The following CNTFR variants were observed in gnomAD, a reference collection of about 807,000 sequenced individuals.
CNTFR encodes ciliary neurotrophic factor receptor, also known as ciliary neurotrophic factor receptor subunit alpha.
CNTFR carries 12 observed loss-of-function variants against 40.4 expected under a neutral mutation model. That is an observed-to-expected ratio of 0.30 (90% confidence interval 0.19 to 0.48). The LOEUF (loss-of-function observed/expected upper bound fraction) is 0.48. Among genes scored for constraint, CNTFR ranks in the 20% least tolerant of loss-of-function variants. CNTFR has a pLI of 0.99. For missense variants in CNTFR, 414 were observed against 506.8 expected (o/e 0.82, Z 1.76); for synonymous variants, 202 against 209.6 (o/e 0.96, Z 0.31).
chr9:34,588,721 A>C (rs1209815795), intron 1 of CNTFR, among the ~76,000 whole-genome samples: 2 of 152,174 alleles, frequency 1.3e-5, no homozygotes, highest in Non-Finnish European at 2.9e-5. Flanking sequence ...GGAGCGAGCA[A>C]GCGAGCGAGC....
rs1386450528 is a variant in CNTFR at position 34,589,464 on chromosome 9, C to G, written c.-112+91G>C. ...GTCCGTGGGCCCACGGGTGTCCCCT[C>G]ACTCTTCCCGCACGCATGAGGGCCG... On this transcript the variant is annotated intron_variant, in intron 1 of 9. Coordinates refer to ENST00000378980, the MANE Select transcript of CNTFR (RefSeq NM_147164.3). The surrounding 1 kb of genome is among the most constrained non-coding windows in gnomAD (Gnocchi z 4.4). The G allele has an allele frequency of 2.0e-5, 3 of 151,894 alleles. No individual in the cohort carries two copies. The highest frequency in any genetic ancestry group is 4.4e-5 in the Non-Finnish European group (3 of 67,926). The allele number at this position is 151,894 out of a possible 1,614,324, so 9.4% of individuals were successfully genotyped here.
chr9:34,589,610 G>A lies in CNTFR; in HGVS notation c.-167C>T, dbSNP rs1340612191. 6.6e-6 allele frequency: 1 copy of A among 151,862 alleles called. No individual in the cohort carries two copies. The highest frequency in any genetic ancestry group is 1.5e-5 in the Non-Finnish European group (1 of 67,790). 9.4% of individuals were successfully genotyped at this position (151,862 alleles called of 1,614,324 possible). A position where few individuals can be genotyped will look rare whatever the true frequency, so the allele number is the denominator to read the frequency against. ...GCGCCTTCCGACCGCCCCCGGCAGC[G>A]AGCGAGGCAGGGAGCGCGGAGCTAG... On this transcript the variant is annotated 5_prime_UTR_variant, in exon 1 of 10. Transcript: ENST00000378980. The surrounding 1 kb of genome is among the most constrained non-coding windows in gnomAD (Gnocchi z 4.4).
In CNTFR at chr9:34,589,022, G is replaced by A. The variant is rs971529199; in HGVS notation, c.-112+533C>T. Among the ~76,000 whole-genome samples, 6 of 152,142 alleles carry A rather than the reference G, an allele frequency of 3.9e-5. No homozygotes were observed. Among genetic ancestry groups the A allele is most frequent in the African/African-American group, 1.4e-4 (6 of 41,406 alleles). On this transcript the variant is annotated intron_variant, in intron 1 of 9. Coordinates refer to ENST00000378980, the MANE Select transcript of CNTFR (RefSeq NM_147164.3). This position sits in a 1 kb window ranked among gnomAD's most constrained non-coding sequence, Gnocchi z 4.4. ...TGGAGATACATCCAGGCGGACTGAA[G>A]AGAAAACCATGGGGACGCCGACCGA...
intron 2 of CNTFR, chr9:34,569,369 A>G: frequency 4.5e-6 from 1 of 221,516 alleles, no homozygotes; most frequent in Non-Finnish European, 8.9e-6. Flanking sequence ...TCAACTGCAA[A>G]TGAGTTACAG....
intron 1 of CNTFR, among the ~76,000 whole-genome samples, chr9:34,581,899 C>G (rs1318627275): frequency 2.6e-5 from 4 of 152,208 alleles, no homozygotes; most frequent in Non-Finnish European, 5.9e-5. Flanking sequence ...ATAATAACAG[C>G]AGGTATCACT....
intron 4 of CNTFR, among the ~76,000 whole-genome samples, chr9:34,561,814 A>G (rs1278789155): frequency 6.6e-6 from 1 of 152,238 alleles, no homozygotes; most frequent in African/African-American, 2.4e-5. Flanking sequence ...CTGAGACGAT[A>G]ATGATTAATA....
At chr9:34,579,359 C>A (rs2132243538) in intron 2 of CNTFR, among the ~76,000 whole-genome samples, 1 of 152,022 alleles carries the variant, frequency 6.6e-6, no homozygotes, top group South Asian at 2.1e-4. Flanking sequence ...TCTGACTTGG[C>A]AGCGTTGGGC....
At chr9:34,566,548 C>G (rs1826303541) in intron 3 of CNTFR, among the ~76,000 whole-genome samples, 1 of 152,202 alleles carries the variant, frequency 6.6e-6, no homozygotes, top group African/African-American at 2.4e-5. Flanking sequence ...GAGCCCCCCT[C>G]CAGCCTCCCT....
chr9:34,589,067 A>ACG lies in CNTFR; in HGVS notation c.-112+486_-112+487dup, dbSNP rs111908218. On this transcript the variant is annotated intron_variant, in intron 1 of 9. Coordinates refer to ENST00000378980, the MANE Select transcript of CNTFR (RefSeq NM_147164.3). The surrounding 1 kb of genome is among the most constrained non-coding windows in gnomAD (Gnocchi z 4.4). Reference sequence around the variant, plus strand: ...GACCGACACACACATGCACACACACACGCGCGCGCGGGCGCGCGGATTCAC... The same window carrying ACG: ...GACCGACACACACATGCACACACACACGCGCGCGCGCGGGCGCGCGGATTCAC... 6.6e-6 allele frequency among the ~76,000 whole-genome samples: 1 copy of ACG among 150,838 alleles called. No individual in the cohort carries two copies. The highest frequency in any genetic ancestry group is 1.5e-5 in the Non-Finnish European group (1 of 67,942).
chr9:34,556,686 C>A (rs542716101), intron 6 of CNTFR, among the ~76,000 whole-genome samples: 32 of 152,276 alleles, frequency 2.1e-4, no homozygotes, highest in African/African-American at 7.7e-4. Context: ...TTCATCTCAT[C>A]ATCCCATCAT....
intron 1 of CNTFR, among the ~76,000 whole-genome samples, chr9:34,583,007 A>G (rs998850426): frequency 2.0e-5 from 3 of 152,218 alleles, no homozygotes; most frequent in Admixed American, 6.5e-5. Flanking sequence ...ATAGCTACGC[A>G]CATTACACCA....
At chr9:34,567,870 T>C (rs1399266073) in intron 3 of CNTFR, 1 of 152,184 alleles carries the variant, frequency 6.6e-6, no homozygotes, top group African/African-American at 2.4e-5. Context: ...TCCAGGACCA[T>C]GGGGACACAA....
rs1825623223 is a variant in CNTFR, at chr9:34,551,567, T to C, written c.*504A>G. The C allele has an allele frequency of 1.3e-5, 3 of 231,274 alleles. No individual in the cohort carries two copies. In the South Asian group the frequency reaches 1.7e-4, roughly 13 times the overall value. 14.3% of individuals were successfully genotyped at this position (231,274 alleles called of 1,614,324 possible). ...TGACAGGGCATTAAATACTGTGGGATAGGAGCAGGGTCAGGGGAGGGGTAT... is the reference window on the plus strand; with the variant it reads ...TGACAGGGCATTAAATACTGTGGGACAGGAGCAGGGTCAGGGGAGGGGTAT... On this transcript the variant is annotated 3_prime_UTR_variant, in exon 10 of 10. Transcript: ENST00000378980.
intron 2 of CNTFR, among the ~76,000 whole-genome samples, chr9:34,577,075 T>C (rs1564072343): frequency 1.3e-5 from 2 of 152,174 alleles, no homozygotes; most frequent in Non-Finnish European, 2.9e-5. Flanking sequence ...GCGGTGCTCC[T>C]CTAACTAACC....
At chr9:34,579,284 G>C (rs1005670770) in intron 2 of CNTFR, among the ~76,000 whole-genome samples, 2 of 151,418 alleles carry the variant, frequency 1.3e-5, no homozygotes, top group African/African-American at 2.4e-5. Context: ...CAATCCGTCC[G>C]CCCGCCGCTC....
At chr9:34,561,806 G>A (rs931160250) in intron 4 of CNTFR, among the ~76,000 whole-genome samples, 1 of 152,224 alleles carries the variant, frequency 6.6e-6, no homozygotes, top group African/African-American at 2.4e-5. Context: ...TAAAGTGACT[G>A]AGACGATAAT....
At chr9:34,587,141 G>A (rs1827579608) in intron 1 of CNTFR, among the ~76,000 whole-genome samples, 1 of 152,222 alleles carries the variant, frequency 6.6e-6, no homozygotes, top group African/African-American at 2.4e-5. Context: ...CAGTGGGTCT[G>A]AATGTGAGCT....
chr9:34,566,207 C>G (rs1826284902), intron 3 of CNTFR, among the ~76,000 whole-genome samples: 1 of 152,066 alleles, frequency 6.6e-6, no homozygotes, highest in Non-Finnish European at 1.5e-5. Flanking sequence ...AACATCTGTC[C>G]CGGTTTGCTG....
At chr9:34,587,469 G>A (rs1827593371) in intron 1 of CNTFR, among the ~76,000 whole-genome samples, 1 of 152,180 alleles carries the variant, frequency 6.6e-6, no homozygotes, top group South Asian at 2.1e-4. Context: ...ATCCTGGTAT[G>A]AGTCTATGTG....
Sources: gnomAD v4.1 joint callset for allele counts (sites outside exome capture counted in the v4.1 genomes callset) on GRCh38, gnomAD v4.1.1 for gene constraint, Gnocchi (gnomAD v3.1) non-coding constraint, MANE v1.5 for transcripts, NCBI Gene and HGNC (gene_info 2026-07-23, HGNC 2026-07-21) for gene names.